Variants in AP2B1 observed in about 807,000 individuals in gnomAD.
AP2B1 encodes the protein adaptor related protein complex 2 subunit beta 1.
In AP2B1, 23 loss-of-function variants were observed where a neutral mutation model predicts 102.0. The ratio of observed to expected loss-of-function variants is 0.23; its 90% confidence interval spans 0.16 to 0.32. The LOEUF is 0.32. Among genes scored for constraint, AP2B1 ranks in the 10% least tolerant of loss-of-function variants. The pLI is 1.00. For missense variants in AP2B1, 541 were observed against 1,157.4 expected, an observed-to-expected ratio of 0.47 and a Z score of 7.73; for synonymous variants, 381 against 421.2, an observed-to-expected ratio of 0.90 and a Z score of 1.17.
intron 21 of AP2B1, among the ~76,000 whole-genome samples, chr17:35,718,423 C>T (rs185665834): frequency 5.6e-4 from 85 of 151,778 alleles, no homozygotes; most frequent in African/African-American, 2.0e-3. Context: ...AAACTTCAGG[C>T]TTCCCTCATA....
chr17:35,637,708 G>A (rs1313650763), intron 10 of AP2B1, among the ~76,000 whole-genome samples: 1 of 139,954 alleles, frequency 7.1e-6, no homozygotes, highest in African/African-American at 2.7e-5. Flanking sequence ...TTTTTTTTGA[G>A]ACAGTCTCAC....
intron 2 of AP2B1, 24 bp downstream of exon 2, chr17:35,594,091 T>A (rs765720169): frequency 6.5e-7 from 1 of 1,548,124 alleles, no homozygotes; most frequent in South Asian, 1.2e-5. Flanking sequence ...TACAATCAAA[T>A]CTTTTGAAAT....
chr17:35,684,623 G>C (rs1173245036), intron 18 of AP2B1, among the ~76,000 whole-genome samples: 3 of 152,122 alleles, frequency 2.0e-5, no homozygotes, highest in African/African-American at 7.2e-5. Context: ...GAAGAATAAA[G>C]CAAGGATTAC....
At chr17:35,650,814 A>T in intron 13 of AP2B1, 25 bp downstream of exon 13, 1 of 1,608,564 alleles carries the variant, frequency 6.2e-7, no homozygotes, top group Non-Finnish European at 8.5e-7. Context: ...ACTGTCTCTG[A>T]GTGAGAAATG....
At chr17:35,699,227 T>G (rs2076195926) in intron 18 of AP2B1, among the ~76,000 whole-genome samples, 2 of 152,196 alleles carry the variant, frequency 1.3e-5, no homozygotes, top group South Asian at 2.1e-4. Flanking sequence ...GATTTACAAT[T>G]TTAGAGATCA....
chr17:35,691,558 A>G lies in AP2B1; in HGVS notation c.2454+8734A>G, dbSNP rs753256349. 1.3e-4 allele frequency among the ~76,000 whole-genome samples: 20 copies of G among 152,306 alleles called. No homozygotes were observed. In the East Asian group the frequency reaches 2.1e-3, roughly 16 times the overall value. ...CTTCTTTGGTCTTCCAAGATCCACA[A>G]TTGAGGACTGCACACTCTGATTGCA... On this transcript the variant is annotated intron_variant, in intron 18 of 21. Transcript: ENST00000610402.
intron 17 of AP2B1, among the ~76,000 whole-genome samples, chr17:35,682,334 CTTTTTTTTTTTT>C (rs587645888): frequency 5.6e-5 from 4 of 72,056 alleles, no homozygotes; most frequent in East Asian, 5.2e-4. Context: ...AATCCTGCCT[CTTTTTTTTTTTT>C]TTTTTTTTTT....
intron 10 of AP2B1, among the ~76,000 whole-genome samples, chr17:35,637,292 C>G (rs1225426827): frequency 6.6e-6 from 1 of 151,814 alleles, no homozygotes; most frequent in African/African-American, 2.4e-5. Flanking sequence ...TCAAGTGATT[C>G]TCCTGCCTCA....
intron 9 of AP2B1, among the ~76,000 whole-genome samples, chr17:35,630,366 T>G (rs1367258337): frequency 6.6e-6 from 1 of 152,260 alleles, no homozygotes; most frequent in East Asian, 1.9e-4. Flanking sequence ...TTATTACCAC[T>G]GTCACCACAC....
intron 13 of AP2B1, among the ~76,000 whole-genome samples, chr17:35,656,341 G>A (rs556303241): frequency 2.8e-4 from 42 of 152,192 alleles, no homozygotes; most frequent in Admixed American, 1.8e-3. Context: ...AAAGATCATC[G>A]TTTGTCCTAC....
At chr17:35,653,948 A>G (rs145051009) in intron 13 of AP2B1, among the ~76,000 whole-genome samples, 50 of 152,284 alleles carry the variant, frequency 3.3e-4, no homozygotes, top group African/African-American at 1.2e-3. Flanking sequence ...TCGTCCTTCT[A>G]GAGTCCCCTG....
At chr17:35,656,794 A>T (rs1394425543) in intron 13 of AP2B1, among the ~76,000 whole-genome samples, 1 of 150,806 alleles carries the variant, frequency 6.6e-6, no homozygotes, top group East Asian at 2.0e-4. Flanking sequence ...CTGAGGCAGG[A>T]GAATGGCGTG....
At chr17:35,671,732 C>G in intron 15 of AP2B1, 22 bp from the exon 16 acceptor site, 1 of 1,611,850 alleles carries the variant, frequency 6.2e-7, no homozygotes, top group East Asian at 2.2e-5. Context: ...TCTCCCCTCT[C>G]CCTTTTTTTT....
chr17:35,676,797 A>G (rs1567963944), intron 17 of AP2B1, among the ~76,000 whole-genome samples: 1 of 152,146 alleles, frequency 6.6e-6, no homozygotes, highest in African/African-American at 2.4e-5. Flanking sequence ...GGTCATATAT[A>G]TCTTTCACTT....
intron 17 of AP2B1, among the ~76,000 whole-genome samples, chr17:35,680,382 A>AAAC (rs1352085089): frequency 6.6e-6 from 1 of 151,636 alleles, no homozygotes; most frequent in Non-Finnish European, 1.5e-5. Flanking sequence ...TTTCCACCCG[A>AAAC]AACAGGGTCT....
chr17:35,676,996 G>GT lies in AP2B1; in HGVS notation c.2324+2682dup, dbSNP rs902303331. ...AAAAACCAAAAGGGTGTTTTTGTTTGTTTTTTTGTTTGAAACAAAGGCTTG... is the reference window on the plus strand; with the variant it reads ...AAAAACCAAAAGGGTGTTTTTGTTTGTTTTTTTTGTTTGAAACAAAGGCTTG... On this transcript the variant is annotated intron_variant, in intron 17 of 21. Coordinates refer to ENST00000610402, the MANE Select transcript of AP2B1 (RefSeq NM_001030006.2). 5.3e-5 allele frequency among the ~76,000 whole-genome samples: 8 copies of GT among 152,100 alleles called. No homozygotes were observed. In the South Asian group the frequency reaches 6.2e-4, roughly 12 times the overall value.
At chr17:35,640,018 G>A (rs1390261326) in intron 11 of AP2B1, among the ~76,000 whole-genome samples, 1 of 152,116 alleles carries the variant, frequency 6.6e-6, no homozygotes, top group African/African-American at 2.4e-5. Flanking sequence ...CTGGGTTCAA[G>A]CGATTCTCCT....
At chr17:35,659,920 C>T (rs1035954684) in intron 14 of AP2B1, 9 of 985,144 alleles carry the variant, frequency 9.1e-6, no homozygotes, top group East Asian at 1.1e-4. Context: ...GTTCCTTTTT[C>T]GAGAACATCA....
In AP2B1 at chr17:35,723,702, A is replaced by T. The variant is rs1598380272; in HGVS notation, c.*3A>T. On this transcript the variant is annotated 3_prime_UTR_variant, in exon 22 of 22. Coordinates refer to ENST00000610402, the MANE Select transcript of AP2B1 (RefSeq NM_001030006.2). Reference sequence around the variant, plus strand: ...ACGACAGCATTTTGAAAAACTAACAAGACTGGTCCAGTACCCTTCAACCAT... The same window carrying T: ...ACGACAGCATTTTGAAAAACTAACATGACTGGTCCAGTACCCTTCAACCAT... The T allele has an allele frequency of 1.3e-6, 2 of 1,595,450 alleles. No individual in the cohort carries two copies. The highest frequency in any genetic ancestry group is 1.3e-5 in the African/African-American group (1 of 74,642).
Sources: allele counts gnomAD v4.1 joint callset (sites outside exome capture counted in the v4.1 genomes callset), GRCh38; gene constraint gnomAD v4.1.1; transcripts MANE v1.5; gene names NCBI Gene and HGNC (gene_info 2026-07-23, HGNC 2026-07-21).